The following GRM5 variants were observed in gnomAD, a reference collection of about 807,000 sequenced individuals.
The protein encoded by GRM5 is glutamate metabotropic receptor 5, also known as metabotropic glutamate receptor 5.
A neutral mutation model predicts 83.1 loss-of-function variants in GRM5; 19 were observed. The ratio of observed to expected loss-of-function variants is 0.23; its 90% confidence interval spans 0.16 to 0.34. The LOEUF (loss-of-function observed/expected upper bound fraction) is 0.34. GRM5 is among the 10% of genes least tolerant of loss of function. GRM5 has a pLI of 1.00. For missense variants in GRM5, 1,160 were observed against 1,588.3 expected (o/e 0.73, Z 4.58); for synonymous variants, 675 against 633.6 (o/e 1.07, Z -0.98).
rs1228808793 is a variant in GRM5, at chr11:88,522,601, C to CTGTGTG, written c.2726+2707_2726+2708insCACACA. On this transcript the variant is annotated intron_variant, in intron 9 of 9. Coordinates refer to ENST00000305447, the MANE Select transcript of GRM5 (RefSeq NM_001143831.3). ...TCTCTCTCTCTCGCTCTCTCTCTCT[C>CTGTGTG]TCTGTGTGTGTGTGTGTGTGTGTGT... Among the ~76,000 whole-genome samples, 442 of 93,554 alleles carry CTGTGTG rather than the reference C, an allele frequency of 4.7e-3. 7 individuals carry two copies. In the East Asian group the frequency reaches 0.074, roughly 16 times the overall value. The allele number at this position is 93,554 out of a possible 152,430, so 61.4% of individuals were successfully genotyped here. A position where few individuals can be genotyped will look rare whatever the true frequency, so the allele number is the denominator to read the frequency against.
intron 4 of GRM5, among the ~76,000 whole-genome samples, chr11:88,635,084 T>C (rs1939081694): frequency 6.6e-6 from 1 of 152,204 alleles, no homozygotes; most frequent in Non-Finnish European, 1.5e-5. Flanking sequence ...CCTTTGGCAT[T>C]TAGATTATTT....
intron 2 of GRM5, among the ~76,000 whole-genome samples, chr11:89,005,116 T>C (rs1025392987): frequency 2.6e-5 from 4 of 152,206 alleles, no homozygotes; most frequent in South Asian, 4.1e-4. Flanking sequence ...AACTCTTACA[T>C]AGATGAAATC....
At chr11:88,893,444 C>T (rs1223976380) in intron 2 of GRM5, among the ~76,000 whole-genome samples, 1 of 151,670 alleles carries the variant, frequency 6.6e-6, no homozygotes, top group African/African-American at 2.4e-5. Flanking sequence ...AATAGTTGGT[C>T]GTTTAAAAAG....
At chr11:88,833,352 C>T (rs1415722461) in intron 3 of GRM5, among the ~76,000 whole-genome samples, 5 of 151,914 alleles carry the variant, frequency 3.3e-5, no homozygotes, top group East Asian at 1.9e-4. Flanking sequence ...TTCTCAAAGA[C>T]GTATAAATGG....
chr11:88,791,536 TAAG>T (rs1311171933), intron 3 of GRM5, among the ~76,000 whole-genome samples: 5 of 152,078 alleles, frequency 3.3e-5, no homozygotes, highest in Non-Finnish European at 7.4e-5. Context: ...TGACACATAA[TAAG>T]GATGCAATAA....
chr11:88,690,751 T>C (rs906132838), intron 3 of GRM5, among the ~76,000 whole-genome samples: 5 of 152,170 alleles, frequency 3.3e-5, no homozygotes, highest in Admixed American at 2.6e-4. Context: ...TCTTTTATTA[T>C]AAATCAGGTT....
At chr11:88,525,220 G>A (rs2135107592) in intron 9 of GRM5, 89 bp downstream of exon 9, 2 of 783,668 alleles carry the variant, frequency 2.6e-6, no homozygotes, top group South Asian at 3.1e-5. Context: ...TTGCACAGTT[G>A]AGTGAGGACC....
At chr11:88,972,000 A>G (rs1277267669) in intron 2 of GRM5, among the ~76,000 whole-genome samples, 1 of 152,104 alleles carries the variant, frequency 6.6e-6, no homozygotes, top group African/African-American at 2.4e-5. Flanking sequence ...TCTGGGACAA[A>G]TTCAAATAAG....
chr11:88,802,915 T>A (rs1337857970), intron 3 of GRM5, among the ~76,000 whole-genome samples: 1 of 151,420 alleles, frequency 6.6e-6, no homozygotes. Context: ...AGCCAAATCA[T>A]GAGTGAACTC....
chr11:88,624,340 A>G (rs1938726923), intron 4 of GRM5, among the ~76,000 whole-genome samples: 1 of 152,178 alleles, frequency 6.6e-6, no homozygotes, highest in African/African-American at 2.4e-5. Context: ...TGTGTAGAGA[A>G]AGAATCACCA....
intron 2 of GRM5, among the ~76,000 whole-genome samples, chr11:88,860,952 C>T (rs1944551789): frequency 6.6e-6 from 1 of 152,088 alleles, no homozygotes; most frequent in South Asian, 2.1e-4. Context: ...CCACAAAATA[C>T]ATTTCAAAGA....
intron 3 of GRM5, among the ~76,000 whole-genome samples, chr11:88,749,755 C>A (rs111525051): frequency 6.6e-6 from 1 of 152,136 alleles, no homozygotes; most frequent in Non-Finnish European, 1.5e-5. Context: ...TCAGCAGAAA[C>A]CCTACAAGCC....
At chr11:88,632,515 A>G (rs191075723) in intron 4 of GRM5, among the ~76,000 whole-genome samples, 1 of 151,732 alleles carries the variant, frequency 6.6e-6, no homozygotes, top group Non-Finnish European at 1.5e-5. Context: ...ACTCATAATT[A>G]TTTTGATTTT....
At chr11:88,875,950 T>C (rs760175728) in intron 2 of GRM5, among the ~76,000 whole-genome samples, 1 of 152,022 alleles carries the variant, frequency 6.6e-6, no homozygotes, top group Non-Finnish European at 1.5e-5. Context: ...CTTAAGGGCC[T>C]TGGGGTTTTT....
intron 3 of GRM5, among the ~76,000 whole-genome samples, chr11:88,806,457 G>T (rs1328862789): frequency 1.3e-5 from 2 of 151,990 alleles, no homozygotes; most frequent in South Asian, 4.1e-4. Flanking sequence ...AATTTTAATG[G>T]TCAATTTAAT....
intron 2 of GRM5, among the ~76,000 whole-genome samples, chr11:88,894,699 G>A (rs1465870271): frequency 7.9e-5 from 12 of 151,804 alleles, no homozygotes; most frequent in Admixed American, 6.6e-4. Flanking sequence ...AAAATCATAT[G>A]TTAAAATCCT....
At chr11:89,011,838 A>C (rs1483174880) in intron 2 of GRM5, among the ~76,000 whole-genome samples, 1 of 152,196 alleles carries the variant, frequency 6.6e-6, no homozygotes, top group African/African-American at 2.4e-5. Flanking sequence ...ATCTATCTAC[A>C]TTATAGCAAT....
intron 2 of GRM5, among the ~76,000 whole-genome samples, chr11:88,923,577 G>C (rs1464798550): frequency 6.6e-6 from 1 of 151,986 alleles, no homozygotes; most frequent in African/African-American, 2.4e-5. Context: ...AGGAAAAGGG[G>C]GGTGGTTAAT....
chr11:88,769,282 G>A (rs76375792), intron 3 of GRM5, among the ~76,000 whole-genome samples: 6 of 152,116 alleles, frequency 3.9e-5, no homozygotes, highest in African/African-American at 1.4e-4. Flanking sequence ...AAGAACTCAT[G>A]TTCAACTTAA....
Sources: gnomAD v4.1 joint callset for allele counts (sites outside exome capture counted in the v4.1 genomes callset) on GRCh38, gnomAD v4.1.1 for gene constraint, MANE v1.5 for transcripts, NCBI Gene and HGNC (gene_info 2026-07-23, HGNC 2026-07-21) for gene names.